Variants in ZNF875 observed in about 807,000 individuals in gnomAD.
ZNF875 encodes HKR1, GLI-Kruppel zinc finger family member.
A neutral mutation model predicts 11.2 loss-of-function variants in ZNF875; 14 were observed. That is an observed-to-expected ratio of 1.26 (90% confidence interval 0.83 to 1.96). The LOEUF is 1.96. ZNF875 is among the 30% of genes most tolerant of loss of function. The probability of loss-of-function intolerance (pLI) is 0.00; values close to 1 mark genes in which losing one functional copy is unlikely to be tolerated. For synonymous variants in ZNF875, 301 were observed against 281.1 expected, an observed-to-expected ratio of 1.07 and a Z score of -0.71; for missense variants, 752 against 760.4, an observed-to-expected ratio of 0.99 and a Z score of 0.13.
At chr19:37,316,549 T>C (rs919201202), upstream of ZNF875, among the ~76,000 whole-genome samples, 24 of 152,018 alleles carry the variant, frequency 1.6e-4, no homozygotes, top group African/African-American at 5.6e-4. Context: ...TTTGTTTTTT[T>C]AGTAGAGACG....
Position 37,347,794 on chromosome 19 carries a change from C to G in ZNF875, c.178C>G (p.Pro60Ala), listed in dbSNP as rs369012450. ...LVSLEIPSSK[P>A]KLIAQLERGE... ...ATGAACAGAAATTCCATCTTCTAAA[C>G]CAAAACTCATTGCTCAGCTGGAGCG... The change falls in exon 4 of 5, where the codon CCA (proline) becomes GCA (alanine). Residue 60 changes from proline to alanine, a missense_variant. Transcript: ENST00000392153. 131 of 1,612,680 alleles carry G rather than the reference C, an allele frequency of 8.1e-5. 1 individual carries two copies. Among genetic ancestry groups the G allele is most frequent in the Admixed American group, 3.3e-5 (2 of 60,000 alleles).
upstream of ZNF875, among the ~76,000 whole-genome samples, chr19:37,317,443 G>A (rs2030307329): frequency 6.6e-6 from 1 of 152,124 alleles, no homozygotes; most frequent in African/African-American, 2.4e-5. Context: ...CAAAGTGTTG[G>A]GATTACAAGC....
Position 37,363,560 on chromosome 19 carries a change from T to C in ZNF875, c.1708T>C (p.Cys570Arg), listed in dbSNP as rs774012104. Residue 570 changes from cysteine (C) to arginine (R), a missense_variant, in exon 5 of 5, where the codon TGT (cysteine) becomes CGT (arginine). Physicochemically the swap from Cys to Arg is radical, Grantham distance 180 (BLOSUM62 -3). Coordinates refer to ENST00000392153, the MANE Select transcript of ZNF875 (RefSeq NM_001353803.2). ...GTGCAGGGAGTGTGGGCAAGGCTTT[T>C]GTGCTAAGTTAACTCTCATTAAACA... is the stretch of plus-strand genomic sequence containing the variant. ...FVCRECGQGF[C>R]AKLTLIKHQR... The C allele has an allele frequency of 1.2e-6, 2 of 1,610,512 alleles. No homozygotes were observed. Among genetic ancestry groups the C allele is most frequent in the Non-Finnish European group, 1.7e-6 (2 of 1,178,644 alleles).
At chr19:37,315,413 CCT>C (rs778856921), upstream of ZNF875, 29 of 152,174 alleles carry the variant, frequency 1.9e-4, no homozygotes, top group Non-Finnish European at 2.6e-4. Context: ...GCAAATTCTC[CCT>C]GTGTTTGGGA....
chr19:37,327,486 G>A (rs2032672291), intron 4 of ZNF875, among the ~76,000 whole-genome samples: 1 of 151,784 alleles, frequency 6.6e-6, no homozygotes, highest in South Asian at 2.1e-4. Context: ...TCATATTCAG[G>A]GGCAGGCATA....
rs759357893 is a variant in ZNF875 at position 37,363,806 on chromosome 19, G to T, written c.*31G>T. On this transcript the variant is annotated 3_prime_UTR_variant, in exon 5 of 5. Transcript: ENST00000392153. The stretch of plus-strand genomic sequence containing the variant: ...TTATGTGTATAGGGAATGTGGTACA[G>T]CCTTTAGCCAGGAGTCATACTTCAT... 2 of 1,580,750 alleles carry T rather than the reference G, an allele frequency of 1.3e-6. No homozygotes were observed. Among genetic ancestry groups the T allele is most frequent in the African/African-American group, 1.3e-5 (1 of 74,272 alleles).
chr19:37,326,933 G>A (rs989281462), intron 4 of ZNF875, among the ~76,000 whole-genome samples: 1 of 151,824 alleles, frequency 6.6e-6, no homozygotes, highest in Non-Finnish European at 1.5e-5. Context: ...CTCCCAAAGT[G>A]CTGGGATTAC....
Position 37,319,048 on chromosome 19 carries a change from A to AT in ZNF875, c.-747+877dup, listed in dbSNP as rs752095085. ...TTTATGAACTATAATGCTGGTTTAGATTTTTTTTTTTTTTTGAGACGGAGT... is the reference window on the plus strand; with the variant it reads ...TTTATGAACTATAATGCTGGTTTAGATTTTTTTTTTTTTTTTGAGACGGAGT... On this transcript the variant is annotated intron_variant, in intron 1 of 5. Transcript: ENST00000544914. 9.0e-3 allele frequency among the ~76,000 whole-genome samples: 1,250 copies of AT among 138,394 alleles called. 13 individuals are homozygous for AT. Among genetic ancestry groups the AT allele is most frequent in the African/African-American group, 0.024 (904 of 37,760 alleles). The allele number at this position is 138,394 out of a possible 152,430, so 90.8% of individuals were successfully genotyped here. A position where few individuals can be genotyped will look rare whatever the true frequency, so the allele number is the denominator to read the frequency against.
intron 2 of ZNF875, among the ~76,000 whole-genome samples, chr19:37,338,744 A>C (rs1223944425): frequency 6.6e-6 from 1 of 152,224 alleles, no homozygotes; most frequent in Non-Finnish European, 1.5e-5. Context: ...AAACGATTTG[A>C]AGGAACTAAG....
Position 37,363,056 on chromosome 19 carries a change from G to C in ZNF875, c.1204G>C (p.Gly402Arg). ...KPYICRECEQ[G>R]FSQKSHLIRH... is the part of the protein sequence containing the mutation. Reference sequence around the variant, plus strand: ...TTACATTTGCAGGGAGTGTGAGCAAGGCTTTAGCCAGAAGTCACACCTCAT... The same window carrying C: ...TTACATTTGCAGGGAGTGTGAGCAACGCTTTAGCCAGAAGTCACACCTCAT... Residue 402 changes from glycine to arginine, a missense_variant, in exon 5 of 5, where the codon GGC becomes CGC. Transcript: ENST00000392153. The C allele has an allele frequency of 6.2e-7, 1 of 1,613,938 alleles. No homozygotes were observed. The highest frequency in any genetic ancestry group is 1.1e-5 in the South Asian group (1 of 91,058).
Position 37,363,410 on chromosome 19 carries a change from A to G in ZNF875, c.1558A>G (p.Thr520Ala), listed in dbSNP as rs572154364. The change falls in exon 5 of 5, where the codon ACC becomes GCC. Residue 520 changes from threonine to alanine, a missense_variant. Thr to Ala is a moderately conservative substitution (Grantham distance 58). Transcript: ENST00000392153. ...TGGACGAGGCTTTAATGATAAGTCC[A>G]CCCTCATTTCACACCAGAGGACACA... ...ECGRGFNDKSTLISHQRTHSG... is the reference protein window; with the variant it reads ...ECGRGFNDKSALISHQRTHSG... 2 of 1,613,706 alleles carry G rather than the reference A, an allele frequency of 1.2e-6. No individual in the cohort carries two copies. Among genetic ancestry groups the G allele is most frequent in the Admixed American group, 1.7e-5 (1 of 59,998 alleles).
At chr19:37,315,700 G>A (rs1027279057), upstream of ZNF875, 2 of 152,100 alleles carry the variant, frequency 1.3e-5, no homozygotes, top group Non-Finnish European at 2.9e-5. Flanking sequence ...ACATGGAGAA[G>A]GGCCAAGTAA....
chr19:37,320,760 A>G (rs867704363), intron 1 of ZNF875, among the ~76,000 whole-genome samples: 2 of 152,198 alleles, frequency 1.3e-5, no homozygotes, highest in Non-Finnish European at 2.9e-5. Context: ...TAGTGTTTCC[A>G]TATGGCCTTG....
At chr19:37,349,733 CA>C (rs1351917274) in intron 4 of ZNF875, among the ~76,000 whole-genome samples, 2 of 152,130 alleles carry the variant, frequency 1.3e-5, no homozygotes, top group Non-Finnish European at 2.9e-5. Flanking sequence ...CAGCTCACAG[CA>C]ACCTCTGCCT....
At chr19:37,341,893 C>T (rs986395625) in intron 2 of ZNF875, among the ~76,000 whole-genome samples, 2 of 152,226 alleles carry the variant, frequency 1.3e-5, no homozygotes, top group African/African-American at 2.4e-5. Context: ...AGAGATACTG[C>T]AGTAGATGCT....
intron 3 of ZNF875, 38 bp from the exon 4 acceptor site, chr19:37,347,739 A>C: frequency 1.5e-6 from 2 of 1,348,796 alleles, no homozygotes; most frequent in Non-Finnish European, 2.1e-6. Context: ...TCTTGAGCCC[A>C]TAACCAACAA....
At chr19:37,328,040 A>G (rs2032800128) in intron 4 of ZNF875, among the ~76,000 whole-genome samples, 1 of 152,042 alleles carries the variant, frequency 6.6e-6, no homozygotes, top group Non-Finnish European at 1.5e-5. Flanking sequence ...TCAGGAGTTC[A>G]AGACCAGCCT....
chr19:37,354,147 A>G (rs1032358501), intron 4 of ZNF875, among the ~76,000 whole-genome samples: 1 of 150,718 alleles, frequency 6.6e-6, no homozygotes, highest in African/African-American at 2.4e-5. Context: ...TTTCAAATTC[A>G]CTAATCTTTC....
In ZNF875 at chr19:37,320,205, T is replaced by G. The variant is rs567316957; in HGVS notation, c.-746-1980T>G. Among the ~76,000 whole-genome samples the G allele has an allele frequency of 3.3e-5, 5 of 152,332 alleles. No homozygotes were observed. The South Asian group carries it at 1.0e-3, about 32-fold the overall frequency. ...TCTGAGTTTATTACCTGCAGTTCCA[T>G]CAGCCAAGTTTAGGGCCCATGAGAA... is the stretch of plus-strand genomic sequence containing the variant. On this transcript the variant is annotated intron_variant, in intron 1 of 5. Transcript: ENST00000544914.
Sources: gnomAD v4.1 joint callset for allele counts (sites outside exome capture counted in the v4.1 genomes callset) on GRCh38, gnomAD v4.1.1 for gene constraint, MANE v1.5 for transcripts, NCBI Gene and HGNC (gene_info 2026-07-23, HGNC 2026-07-21) for gene names.